ASIC5: variants seen among roughly 807,000 people sequenced by gnomAD.
ASIC5 encodes the protein acid sensing ion channel subunit family member 5, also known as bile acid-sensitive ion channel.
In ASIC5, 52 loss-of-function variants were observed where a neutral mutation model predicts 51.2. The observed-to-expected ratio is 1.02, with a 90% CI of 0.81 to 1.28. ASIC5 has a LOEUF of 1.28. Among genes scored for constraint, ASIC5 ranks in the 50% most tolerant of loss-of-function variants. The pLI is 0.00. For missense variants in ASIC5, 635 were observed against 595.0 expected, an observed-to-expected ratio of 1.07 and a Z score of -0.70; for synonymous variants, 231 against 200.7, an observed-to-expected ratio of 1.15 and a Z score of -1.28.
intron 4 of ASIC5, among the ~76,000 whole-genome samples, chr4:155,848,532 T>C (rs766560964): frequency 1.3e-5 from 2 of 152,066 alleles, no homozygotes; most frequent in Non-Finnish European, 2.9e-5. Flanking sequence ...ATAATAATAA[T>C]TGTTATGTTA....
rs1288025512 is a variant in ASIC5 at position 155,836,779 on chromosome 4, T to A, written c.1145A>T (p.Tyr382Phe). 1.2e-6 allele frequency: 2 copies of A among 1,603,860 alleles called. No individual in the cohort carries two copies. Among genetic ancestry groups the A allele is most frequent in the Admixed American group, 3.3e-5 (2 of 59,974 alleles). ...SCPVSCEEIE[Y>F]PATISYSSFP... Reference sequence around the variant, plus strand: ...AGAGGAATAAGAAATAGTGGCCGGGTATTCTATTTCTTCACAAGAAACGGG... The same window carrying A: ...AGAGGAATAAGAAATAGTGGCCGGGAATTCTATTTCTTCACAAGAAACGGG... Residue 382 changes from tyrosine to phenylalanine, a missense_variant, in exon 8 of 10, where the codon TAC (tyrosine) becomes TTC (phenylalanine). Transcript: ENST00000537611.
At chr4:155,859,244 T>A (rs1741630219) in intron 2 of ASIC5, among the ~76,000 whole-genome samples, 2 of 152,098 alleles carry the variant, frequency 1.3e-5, no homozygotes, top group Non-Finnish European at 2.9e-5. Flanking sequence ...CAAAAATATG[T>A]CAGTGTCCAA....
intron 2 of ASIC5, among the ~76,000 whole-genome samples, chr4:155,855,943 G>T (rs1741527073): frequency 6.6e-6 from 1 of 151,940 alleles, no homozygotes; most frequent in African/African-American, 2.4e-5. Flanking sequence ...AGGAGAGATT[G>T]AGATTCTGAC....
chr4:155,859,069 T>G (rs78882989), intron 2 of ASIC5, among the ~76,000 whole-genome samples: 4,390 of 152,010 alleles, frequency 0.029, 96 homozygotes, highest in South Asian at 0.059. Flanking sequence ...CCTGAGAAGG[T>G]ATGTGCCTTC....
chr4:155,838,418 T>A (rs1257742784), intron 7 of ASIC5, among the ~76,000 whole-genome samples: 1 of 152,152 alleles, frequency 6.6e-6, no homozygotes, highest in Admixed American at 6.6e-5. Context: ...TGCAATAAAG[T>A]GAATGAATGA....
At position 155,841,770 on chromosome 4, in the gene ASIC5, C is replaced by T. The variant is rs567971046; in HGVS notation, c.1009+437G>A. Among the ~76,000 whole-genome samples, 10 of 152,130 alleles carry T rather than the reference C, an allele frequency of 6.6e-5. No individual in the cohort carries two copies. In the South Asian group the frequency reaches 2.1e-3, roughly 32 times the overall value. ...TAGCCTTTGGGAGTAAGTATTGGGG[C>T]CCCACCCTGATATCGCAATTTTCTC... On this transcript the variant is annotated intron_variant, in intron 6 of 9. Coordinates refer to ENST00000537611, the MANE Select transcript of ASIC5 (RefSeq NM_017419.3).
At chr4:155,862,624 T>A (rs889418547) in intron 2 of ASIC5, among the ~76,000 whole-genome samples, 2 of 152,116 alleles carry the variant, frequency 1.3e-5, no homozygotes, top group African/African-American at 4.8e-5. Flanking sequence ...GTCAATGGAC[T>A]GCAGGTTTCT....
At chr4:155,850,811 C>T (rs1268030352) in intron 4 of ASIC5, among the ~76,000 whole-genome samples, 6 of 151,960 alleles carry the variant, frequency 3.9e-5, no homozygotes, top group African/African-American at 1.4e-4. Flanking sequence ...TACACTATTT[C>T]TTTAACACTA....
At chr4:155,862,295 C>T (rs1382627066) in intron 2 of ASIC5, among the ~76,000 whole-genome samples, 1 of 152,026 alleles carries the variant, frequency 6.6e-6, no homozygotes, top group Non-Finnish European at 1.5e-5. Flanking sequence ...TACAAACGGG[C>T]TATAACATCT....
At chr4:155,862,400 T>C (rs1741733220) in intron 2 of ASIC5, among the ~76,000 whole-genome samples, 1 of 152,142 alleles carries the variant, frequency 6.6e-6, no homozygotes, top group Non-Finnish European at 1.5e-5. Flanking sequence ...ATATGTGAAG[T>C]AGATGATATT....
At chr4:155,842,094 A>C in intron 6 of ASIC5, 113 bp downstream of exon 6, 1 of 1,014,420 alleles carries the variant, frequency 9.9e-7, no homozygotes, top group South Asian at 1.7e-5. Flanking sequence ...ACACTTAATA[A>C]TACTTAATAT....
At chr4:155,864,436 A>T (rs1182931755) in intron 1 of ASIC5, 1 of 152,136 alleles carries the variant, frequency 6.6e-6, no homozygotes, top group Non-Finnish European at 1.5e-5. Flanking sequence ...GGAAGGTAAC[A>T]CTAAATTTTT....
intron 2 of ASIC5, among the ~76,000 whole-genome samples, chr4:155,862,850 A>G (rs1218393119): frequency 6.6e-6 from 1 of 152,136 alleles, no homozygotes; most frequent in African/African-American, 2.4e-5. Flanking sequence ...TTTCTTCTTC[A>G]TCTCCACTTA....
At chr4:155,847,517 T>A (rs1741282366) in intron 4 of ASIC5, among the ~76,000 whole-genome samples, 1 of 151,962 alleles carries the variant, frequency 6.6e-6, no homozygotes, top group Non-Finnish European at 1.5e-5. Context: ...GGTCAGGAGT[T>A]CCAGACCAGC....
At position 155,863,510 on chromosome 4, in the gene ASIC5, G is replaced by A; in HGVS notation, c.285C>T (p.Ser95=). The A allele has an allele frequency of 6.2e-7, 1 of 1,613,726 alleles. No homozygotes were observed. Among genetic ancestry groups the A allele is most frequent in the East Asian group, 2.2e-5 (1 of 44,848 alleles). ...LNYFTWPTTT[S]IEVQYVEKME... ...TCTTTTCCACATATTGAACCTCAATGGACGTTGTGGTTGGCCATGTGAAGT... is the reference window on the plus strand; with the variant it reads ...TCTTTTCCACATATTGAACCTCAATAGACGTTGTGGTTGGCCATGTGAAGT... The change falls in exon 2 of 10, where the codon TCC becomes TCT. Residue 95 remains serine (S), a synonymous_variant. Coordinates refer to ENST00000537611, the MANE Select transcript of ASIC5 (RefSeq NM_017419.3).
rs551095047 is a variant in ASIC5, at chr4:155,862,983, T to C, written c.347+465A>G. ...TTTATTTTGTTGTGCAATTACCATA[T>C]TGCACTATGATTGTTGATGTTTCTC... On this transcript the variant is annotated intron_variant, in intron 2 of 9. Transcript: ENST00000537611. 1.6e-3 allele frequency among the ~76,000 whole-genome samples: 243 copies of C among 152,300 alleles called. 1 individual carries two copies. The highest frequency in any genetic ancestry group is 4.5e-3 in the African/African-American group (189 of 41,572).
At chr4:155,846,738 A>G (rs904235154) in intron 4 of ASIC5, among the ~76,000 whole-genome samples, 4 of 152,132 alleles carry the variant, frequency 2.6e-5, no homozygotes, top group African/African-American at 9.7e-5. Flanking sequence ...GTAAGGGATA[A>G]ATACTTGTAG....
At chr4:155,845,851 G>A (rs1337292013) in intron 4 of ASIC5, among the ~76,000 whole-genome samples, 1 of 151,942 alleles carries the variant, frequency 6.6e-6, no homozygotes, top group African/African-American at 2.4e-5. Flanking sequence ...CCTATAATAA[G>A]CAAATTTAAG....
chr4:155,861,739 T>C (rs562131058), intron 2 of ASIC5, among the ~76,000 whole-genome samples: 2 of 152,196 alleles, frequency 1.3e-5, no homozygotes, highest in East Asian at 3.9e-4. Flanking sequence ...TTATGCCTTT[T>C]GTCCTAAGTA....
Sources: gnomAD v4.1 joint callset for allele counts (sites outside exome capture counted in the v4.1 genomes callset) on GRCh38, gnomAD v4.1.1 for gene constraint, MANE v1.5 for transcripts, NCBI Gene and HGNC (gene_info 2026-07-23, HGNC 2026-07-21) for gene names.